Variants in ZNF385D observed in about 807,000 individuals in gnomAD.
The protein encoded by ZNF385D is zinc finger protein 385D, also known as zinc finger protein 659.
In ZNF385D, 15 loss-of-function variants were observed where a neutral mutation model predicts 35.8. The observed-to-expected ratio is 0.42, with a 90% CI of 0.28 to 0.64. The LOEUF is 0.64. Ranked by LOEUF, ZNF385D falls within the 30% of genes least tolerant of loss-of-function variation. The pLI is 0.23. For synonymous variants in ZNF385D, 212 were observed against 186.8 expected (o/e 1.13, Z -1.10); for missense variants, 474 against 494.6 (o/e 0.96, Z 0.39).
intron 3 of ZNF385D, among the ~76,000 whole-genome samples, chr3:22,032,112 T>C (rs1698037757): frequency 1.3e-5 from 2 of 152,204 alleles, no homozygotes; most frequent in Admixed American, 1.3e-4. Context: ...GACTTCATTG[T>C]CCCTATTACT....
intron 1 of ZNF385D, among the ~76,000 whole-genome samples, chr3:21,716,032 C>A (rs115647637): frequency 3.9e-5 from 6 of 152,002 alleles, no homozygotes; most frequent in Non-Finnish European, 5.9e-5. Flanking sequence ...CTTTGAATAA[C>A]CCTGAATAAC....
chr3:21,513,892 C>T (rs1172254692), intron 3 of ZNF385D, among the ~76,000 whole-genome samples: 7 of 152,040 alleles, frequency 4.6e-5, no homozygotes, highest in African/African-American at 1.7e-4. Flanking sequence ...ACAGTGTATT[C>T]CCTATGTGAA....
At chr3:21,422,302 C>T (rs1299282725) in intron 7 of ZNF385D, among the ~76,000 whole-genome samples, 2 of 152,304 alleles carry the variant, frequency 1.3e-5, no homozygotes, top group East Asian at 3.9e-4. Context: ...GTGCAGAATT[C>T]TTCACCTCCC....
intron 3 of ZNF385D, among the ~76,000 whole-genome samples, chr3:22,093,199 G>C (rs1306763850): frequency 6.6e-6 from 1 of 152,028 alleles, no homozygotes; most frequent in Non-Finnish European, 1.5e-5. Context: ...AAATCACTTA[G>C]TTTTAAGACT....
At chr3:21,988,320 A>G (rs1694935034) in intron 3 of ZNF385D, among the ~76,000 whole-genome samples, 1 of 115,810 alleles carries the variant, frequency 8.6e-6, no homozygotes, top group African/African-American at 3.1e-5. Flanking sequence ...TTGGTCTTTG[A>G]TGATGGTGAT....
At chr3:21,614,666 AC>A (rs1260137516) in intron 2 of ZNF385D, among the ~76,000 whole-genome samples, 1 of 152,030 alleles carries the variant, frequency 6.6e-6, no homozygotes, top group Non-Finnish European at 1.5e-5. Flanking sequence ...TCGGCTCACT[AC>A]AACCTCTGCC....
intron 3 of ZNF385D, among the ~76,000 whole-genome samples, chr3:22,157,344 C>G (rs1705654441): frequency 6.6e-6 from 1 of 152,070 alleles, no homozygotes; most frequent in South Asian, 2.1e-4. Flanking sequence ...TGTTACTCAT[C>G]ATTTATATTT....
At chr3:21,466,082 C>T (rs1161821318) in intron 4 of ZNF385D, among the ~76,000 whole-genome samples, 1 of 152,162 alleles carries the variant, frequency 6.6e-6, no homozygotes, top group South Asian at 2.1e-4. Flanking sequence ...TAGTATTTCT[C>T]ACCTGGATAA....
At chr3:22,318,329 T>C (rs983727606) in intron 2 of ZNF385D, among the ~76,000 whole-genome samples, 4 of 152,000 alleles carry the variant, frequency 2.6e-5, no homozygotes, top group Non-Finnish European at 5.9e-5. Flanking sequence ...TGGATGAAGA[T>C]GCAGGGAAAA....
At chr3:21,734,433 T>C (rs545364415) in intron 1 of ZNF385D, among the ~76,000 whole-genome samples, 12 of 152,204 alleles carry the variant, frequency 7.9e-5, no homozygotes, top group Admixed American at 4.6e-4. Context: ...ATGAACCTTA[T>C]TGATGAATTT....
chr3:22,177,282 C>T (rs759237598), intron 2 of ZNF385D, among the ~76,000 whole-genome samples: 16 of 152,172 alleles, frequency 1.1e-4, no homozygotes, highest in Admixed American at 2.6e-4. Context: ...GCTAGTTCTA[C>T]TCTACTTTGG....
intron 4 of ZNF385D, among the ~76,000 whole-genome samples, chr3:21,456,750 T>TA (rs1702849159): frequency 6.6e-6 from 1 of 151,610 alleles, no homozygotes; most frequent in African/African-American, 2.4e-5. Flanking sequence ...AATAAATAAA[T>TA]AATTAAAAAA....
chr3:22,292,190 TA>T, intron 2 of ZNF385D, among the ~76,000 whole-genome samples: 1 of 152,208 alleles, frequency 6.6e-6, no homozygotes, highest in Non-Finnish European at 1.5e-5. Context: ...TGGGTTATCA[TA>T]AACTTTTGAA....
intron 3 of ZNF385D, among the ~76,000 whole-genome samples, chr3:21,822,817 C>G (rs1014584276): frequency 1.3e-5 from 2 of 149,318 alleles, no homozygotes; most frequent in Non-Finnish European, 3.0e-5. Flanking sequence ...GAAAAAAAAA[C>G]AAGTGACAAA....
intron 3 of ZNF385D, among the ~76,000 whole-genome samples, chr3:21,564,011 A>C (rs1246196206): frequency 6.6e-6 from 1 of 152,094 alleles, no homozygotes; most frequent in African/African-American, 2.4e-5. Context: ...TCCCTCCTAC[A>C]TGTTCTCCAC....
chr3:21,583,951 CTTAT>C (rs1287837812), intron 2 of ZNF385D, among the ~76,000 whole-genome samples: 2 of 132,878 alleles, frequency 1.5e-5, no homozygotes, highest in African/African-American at 5.3e-5. Context: ...ATTTATTTTA[CTTAT>C]TTACTTATTT....
At chr3:21,845,931 T>C (rs768873976) in intron 3 of ZNF385D, among the ~76,000 whole-genome samples, 8 of 152,024 alleles carry the variant, frequency 5.3e-5, no homozygotes, top group Non-Finnish European at 7.4e-5. Flanking sequence ...ATCTTGTTGA[T>C]AATAACTGTG....
At chr3:22,168,790 T>C in intron 3 of ZNF385D, 1 of 982,746 alleles carries the variant, frequency 1.0e-6, no homozygotes, top group Non-Finnish European at 1.2e-6. Flanking sequence ...GATGTAAAAT[T>C]GAGAAAATAT....
At position 21,419,275 on chromosome 3, in the gene ZNF385D, AG is replaced by A. The variant is rs1158534671; in HGVS notation, c.*1938del. 6.6e-6 allele frequency: 1 copy of A among 150,598 alleles called. No individual in the cohort carries two copies. Among genetic ancestry groups the A allele is most frequent in the Admixed American group, 6.7e-5 (1 of 15,020 alleles). 9.3% of individuals were successfully genotyped at this position (150,598 alleles called of 1,614,324 possible). A position where few individuals can be genotyped will look rare whatever the true frequency, so the allele number is the denominator to read the frequency against. ...TGTTTTTGTTTTGGTTGGTTAACAA[AG>A]GATATATAAAGCCAACTGCTTTAAA... On this transcript the variant is annotated 3_prime_UTR_variant, in exon 8 of 8. Transcript: ENST00000281523.
Sources: allele counts gnomAD v4.1 joint callset (sites outside exome capture counted in the v4.1 genomes callset), GRCh38; gene constraint gnomAD v4.1.1; transcripts MANE v1.5; gene names NCBI Gene and HGNC (gene_info 2026-07-23, HGNC 2026-07-21).